CDKN3: variants seen among roughly 807,000 people sequenced by gnomAD.
CDKN3 encodes the protein cyclin-dependent kinase inhibitor 3.
A neutral mutation model predicts 36.1 loss-of-function variants in CDKN3; 19 were observed. The ratio of observed to expected loss-of-function variants is 0.53; its 90% confidence interval spans 0.37 to 0.77. The LOEUF (loss-of-function observed/expected upper bound fraction) is 0.77, where lower values mean the gene tolerates loss of function less well. Among genes scored for constraint, CDKN3 ranks in the 30% least tolerant of loss-of-function variants. CDKN3 has a pLI of 0.00. For missense variants in CDKN3, 188 were observed against 248.6 expected (o/e 0.76, Z 1.64); for synonymous variants, 71 against 85.3 (o/e 0.83, Z 0.92).
At chr14:54,415,538 G>T (rs538564992) in intron 5 of CDKN3, among the ~76,000 whole-genome samples, 1 of 152,326 alleles carries the variant, frequency 6.6e-6, no homozygotes, top group African/African-American at 2.4e-5. Flanking sequence ...CATGGCATTT[G>T]TGCAGTAACC....
At chr14:54,413,667 A>AC in intron 5 of CDKN3, 1 of 1,535,394 alleles carries the variant, frequency 6.5e-7, no homozygotes, top group South Asian at 1.2e-5. Context: ...ATCTTTGAGG[A>AC]CCCACACTTC....
chr14:54,402,622 C>T (rs1280620062), intron 3 of CDKN3, among the ~76,000 whole-genome samples: 2 of 152,084 alleles, frequency 1.3e-5, no homozygotes, highest in South Asian at 4.1e-4. Flanking sequence ...GAAGTCTTTG[C>T]CCATGCCTAT....
chr14:54,408,895 A>C (rs182624765), intron 4 of CDKN3, 106 bp downstream of exon 4: 2 of 1,381,708 alleles, frequency 1.4e-6, no homozygotes, highest in Non-Finnish European at 1.9e-6. Flanking sequence ...TATAAAAATA[A>C]GTTTTCAATA....
rs1440051047 is a variant in CDKN3, at chr14:54,415,948, A to G, written c.448+18A>G. On this transcript the variant is annotated intron_variant, in intron 6 of 7. Coordinates refer to ENST00000335183, the MANE Select transcript of CDKN3 (RefSeq NM_005192.4). Reference sequence around the variant, plus strand: ...TTGTCTTGGTAAGAAATATATTTCTATTATTTTTTTAACCGCCAAATAGAC... The same window carrying G: ...TTGTCTTGGTAAGAAATATATTTCTGTTATTTTTTTAACCGCCAAATAGAC... The G allele has an allele frequency of 6.4e-7, 1 of 1,562,440 alleles. No individual in the cohort carries two copies. The highest frequency in any genetic ancestry group is 1.7e-5 in the Admixed American group (1 of 59,760).
At chr14:54,400,054 C>A in intron 2 of CDKN3, 78 bp downstream of exon 2, 1 of 770,522 alleles carries the variant, frequency 1.3e-6, no homozygotes, top group Non-Finnish European at 2.4e-6. Context: ...ACATCATAAT[C>A]TTAGTAGAAT....
At chr14:54,406,013 G>A (rs866891688) in intron 3 of CDKN3, among the ~76,000 whole-genome samples, 3 of 152,190 alleles carry the variant, frequency 2.0e-5, no homozygotes. Flanking sequence ...TCCTTCAGGA[G>A]CTCTTGTAAG....
chr14:54,401,624 T>C (rs1238076784), intron 3 of CDKN3, 45 bp downstream of exon 3: 2 of 1,280,232 alleles, frequency 1.6e-6, no homozygotes. Flanking sequence ...GTATATATTT[T>C]TTAATATATT....
chr14:54,414,702 T>C (rs1048667877), intron 5 of CDKN3, among the ~76,000 whole-genome samples: 4 of 146,368 alleles, frequency 2.7e-5, no homozygotes, highest in Non-Finnish European at 1.5e-5. Context: ...TGCGCCACCG[T>C]GCCAGGCTTT....
chr14:54,408,586 C>T, intron 3 of CDKN3, 159 bp from the exon 4 acceptor site: 1 of 849,780 alleles, frequency 1.2e-6, no homozygotes, highest in Non-Finnish European at 1.7e-6. Context: ...AATTATATTC[C>T]TAGAAATATA....
chr14:54,413,616 G>A (rs1226105066), intron 5 of CDKN3: 1 of 1,534,788 alleles, frequency 6.5e-7, no homozygotes. Flanking sequence ...AGCTTTCGAA[G>A]GTGTCCTACG....
chr14:54,416,218 T>C (rs1402247369), intron 6 of CDKN3, among the ~76,000 whole-genome samples: 2 of 152,214 alleles, frequency 1.3e-5, no homozygotes, highest in Admixed American at 1.3e-4. Context: ...GGAGGTGTTA[T>C]AATAGAGTAA....
chr14:54,403,048 C>T (rs1020793695), intron 3 of CDKN3, among the ~76,000 whole-genome samples: 5 of 152,078 alleles, frequency 3.3e-5, no homozygotes, highest in African/African-American at 1.2e-4. Flanking sequence ...TTTTTTGTTC[C>T]ATATGAAATT....
At chr14:54,405,439 G>C (rs1360354554) in intron 3 of CDKN3, among the ~76,000 whole-genome samples, 1 of 152,230 alleles carries the variant, frequency 6.6e-6, no homozygotes, top group Non-Finnish European at 1.5e-5. Context: ...TGACAGTGGG[G>C]TGTTAAAGTC....
intron 7 of CDKN3, among the ~76,000 whole-genome samples, chr14:54,419,502 TTTG>T (rs2030657880): frequency 6.6e-6 from 1 of 152,218 alleles, no homozygotes; most frequent in African/African-American, 2.4e-5. Flanking sequence ...AGCAATACAG[TTTG>T]TTTTTAAAAA....
rs1445307215 is a variant in CDKN3, at chr14:54,408,731, A to G, written c.149-14A>G. ...AAAAACTGACTTTTTTACTTGCTTT[A>G]TTATTACTTATAGGTTGTAAATTTA... On this transcript the variant is annotated splice_polypyrimidine_tract_variant and intron_variant, in intron 3 of 7. Transcript: ENST00000335183. 1 of 1,570,818 alleles carries G rather than the reference A, an allele frequency of 6.4e-7. No individual in the cohort carries two copies. The highest frequency in any genetic ancestry group is 8.6e-7 in the Non-Finnish European group (1 of 1,164,858).
At chr14:54,416,329 A>C (rs1566710655) in intron 6 of CDKN3, among the ~76,000 whole-genome samples, 2 of 152,310 alleles carry the variant, frequency 1.3e-5, no homozygotes, top group South Asian at 4.1e-4. Flanking sequence ...AACAAAAAAG[A>C]GTTCGTGAAA....
At chr14:54,403,973 A>C (rs1245841145) in intron 3 of CDKN3, among the ~76,000 whole-genome samples, 1 of 152,210 alleles carries the variant, frequency 6.6e-6, no homozygotes, top group East Asian at 1.9e-4. Context: ...ATCGATGTTC[A>C]TCAAGGATAT....
intron 3 of CDKN3, among the ~76,000 whole-genome samples, chr14:54,404,218 G>C (rs1189008703): frequency 6.6e-6 from 1 of 152,100 alleles, no homozygotes; most frequent in Non-Finnish European, 1.5e-5. Context: ...TTCAGAACTT[G>C]TTATTGGTCT....
chr14:54,417,946 A>G lies in CDKN3; in HGVS notation c.547A>G (p.Ile183Val), dbSNP rs747108805. 6.3e-7 allele frequency: 1 copy of G among 1,574,916 alleles called. No homozygotes were observed. ...DLRGSGAIQT[I>V]KQYNYLHEFR... is the part of the protein sequence containing the mutation. The stretch of plus-strand genomic sequence containing the variant: ...AAGAGGATCCGGGGCAATACAGACC[A>G]TCAAGGTGAGGAGGTGGGCGGTGCT... The change falls in exon 7 of 8, where the codon ATC becomes GTC. Residue 183 changes from isoleucine to valine, a missense_variant. Transcript: ENST00000335183.
Sources: allele counts gnomAD v4.1 joint callset (sites outside exome capture counted in the v4.1 genomes callset), GRCh38; gene constraint gnomAD v4.1.1; transcripts MANE v1.5; gene names NCBI Gene and HGNC (gene_info 2026-07-23, HGNC 2026-07-21).